RNF38: variants seen among roughly 807,000 people sequenced by gnomAD.
RNF38 encodes the protein E3 ubiquitin-protein ligase RNF38.
Under a neutral mutation model 67.2 loss-of-function variants are expected in RNF38, and 15 were observed. The ratio of observed to expected loss-of-function variants is 0.22; its 90% CI spans 0.15 to 0.34. The LOEUF is 0.34. Ranked by LOEUF, RNF38 falls within the 10% of genes least tolerant of loss-of-function variation. The pLI, the probability that RNF38 is intolerant of heterozygous loss-of-function variation, is 1.00. For missense variants in RNF38, 524 were observed against 639.9 expected (o/e 0.82, Z 1.95); for synonymous variants, 220 against 218.8 (o/e 1.01, Z -0.05).
chr9:36,441,561 G>A (rs1322638813), intron 1 of RNF38, among the ~76,000 whole-genome samples: 1 of 152,082 alleles, frequency 6.6e-6, no homozygotes, highest in Non-Finnish European at 1.5e-5. Context: ...CTGACCTCGT[G>A]ATCCACCCAG....
chr9:36,375,782 T>C (rs1835743126), intron 3 of RNF38, 152 bp downstream of exon 3: 5 of 656,724 alleles, frequency 7.6e-6, no homozygotes, highest in Non-Finnish European at 1.2e-5. Flanking sequence ...CTACTGGAAA[T>C]CTAGGCAACT....
chr9:36,468,760 C>T (rs966659691), intron 1 of RNF38, among the ~76,000 whole-genome samples: 1 of 148,168 alleles, frequency 6.7e-6, no homozygotes, highest in East Asian at 2.0e-4. Context: ...TGCAGTGAGC[C>T]GAGATCATGC....
chr9:36,447,894 A>G (rs1839345578), intron 1 of RNF38, among the ~76,000 whole-genome samples: 1 of 152,242 alleles, frequency 6.6e-6, no homozygotes, highest in Non-Finnish European at 1.5e-5. Context: ...TTTTGTTTTC[A>G]CTGTGTGCAT....
chr9:36,462,969 G>T (rs956566671), intron 1 of RNF38, among the ~76,000 whole-genome samples: 1 of 151,116 alleles, frequency 6.6e-6, no homozygotes, highest in Non-Finnish European at 1.5e-5. Context: ...ACTGTACCCC[G>T]CCCTGATTTA....
At chr9:36,475,367 G>T (rs1205114984) in intron 1 of RNF38, among the ~76,000 whole-genome samples, 2 of 151,416 alleles carry the variant, frequency 1.3e-5, no homozygotes, top group African/African-American at 2.4e-5. Flanking sequence ...TTATCTTTTT[G>T]TGTGTGTGTA....
At chr9:36,457,193 C>T (rs888734731) in intron 1 of RNF38, among the ~76,000 whole-genome samples, 1 of 152,216 alleles carries the variant, frequency 6.6e-6, no homozygotes, top group African/African-American at 2.4e-5. Flanking sequence ...AGCTTTATCA[C>T]AGGTACCTGC....
chr9:36,371,727 T>TAG (rs1835392347), intron 3 of RNF38, among the ~76,000 whole-genome samples: 1 of 152,006 alleles, frequency 6.6e-6, no homozygotes, highest in African/African-American at 2.4e-5. Context: ...ACTGGGATTA[T>TAG]AGGTGGGAGC....
At chr9:36,364,120 G>A (rs376406116) in intron 4 of RNF38, among the ~76,000 whole-genome samples, 1 of 150,756 alleles carries the variant, frequency 6.6e-6, no homozygotes, top group African/African-American at 2.4e-5. Flanking sequence ...ATGAGCCACC[G>A]TGCCCTGCCC....
At chr9:36,440,843 G>T (rs1276549839) in intron 1 of RNF38, among the ~76,000 whole-genome samples, 1 of 152,078 alleles carries the variant, frequency 6.6e-6, no homozygotes, top group Admixed American at 6.6e-5. Context: ...TTCACACAAG[G>T]CACTTACATA....
intron 2 of RNF38, among the ~76,000 whole-genome samples, chr9:36,376,465 T>C (rs542042095): frequency 1.3e-5 from 2 of 152,280 alleles, no homozygotes; most frequent in Non-Finnish European, 1.5e-5. Context: ...CCAAACCACC[T>C]GAAAAATTAC....
intron 3 of RNF38, among the ~76,000 whole-genome samples, chr9:36,373,658 CG>C (rs1315978261): frequency 6.7e-6 from 1 of 149,550 alleles, no homozygotes; most frequent in Non-Finnish European, 1.5e-5. Flanking sequence ...TGCAGTGGCG[CG>C]ATCTCAGGTT....
At chr9:36,403,026 C>G (rs1838093585), upstream of RNF38, among the ~76,000 whole-genome samples, 1 of 152,096 alleles carries the variant, frequency 6.6e-6, no homozygotes, top group Non-Finnish European at 1.5e-5. Context: ...TCTCTAACTC[C>G]TGGGCTCAAG....
At chr9:36,349,063 C>A (rs1169303446) in intron 9 of RNF38, among the ~76,000 whole-genome samples, 6 of 152,140 alleles carry the variant, frequency 3.9e-5, no homozygotes, top group African/African-American at 1.4e-4. Context: ...TCTACACTGC[C>A]CAATAATAAA....
At chr9:36,444,024 G>A (rs1023929030) in intron 1 of RNF38, among the ~76,000 whole-genome samples, 4 of 152,148 alleles carry the variant, frequency 2.6e-5, no homozygotes, top group Non-Finnish European at 5.9e-5. Flanking sequence ...ACACCGAAGT[G>A]AAGCCAGGTC....
At chr9:36,476,053 C>A (rs1464742997) in intron 1 of RNF38, among the ~76,000 whole-genome samples, 2 of 150,548 alleles carry the variant, frequency 1.3e-5, no homozygotes, top group Non-Finnish European at 3.0e-5. Context: ...ATAAATGAGG[C>A]AAATAACCTA....
Position 36,342,360 on chromosome 9 carries a change from C to G in RNF38, c.1450G>C (p.Glu484Gln). 6.2e-7 allele frequency: 1 copy of G among 1,613,748 alleles called. No individual in the cohort carries two copies. The highest frequency in any genetic ancestry group is 8.5e-7 in the Non-Finnish European group (1 of 1,179,716). ...TTGTCAACACACTTGGCATGGAACT[C>G]GTGGTTACAGGGTAAGACTCTAAGT... is the stretch of plus-strand genomic sequence containing the variant. ...QLLRVLPCNHEFHAKCVDKWL... is the reference protein window; with the variant it reads ...QLLRVLPCNHQFHAKCVDKWL... The change falls in exon 11 of 12, where the codon GAG becomes CAG. Residue 484 changes from glutamate to glutamine, a missense_variant. Glu to Gln is a conservative substitution (Grantham distance 29). Coordinates refer to ENST00000259605, the MANE Select transcript of RNF38 (RefSeq NM_022781.5).
rs561685618 is a variant in RNF38 at position 36,479,919 on chromosome 9, G to GC, written n.241+7388dup. 2.6e-5 allele frequency among the ~76,000 whole-genome samples: 4 copies of GC among 152,242 alleles called. No individual in the cohort carries two copies. The South Asian group carries it at 8.3e-4, about 32-fold the overall frequency. ...GTTCAAGACCACCATGGGCAACATA[G>GC]CAAGACCCTGTCTCTTTAAGTATGA... On this transcript the variant is annotated intron_variant and non_coding_transcript_variant, in intron 1 of 3. Coordinates refer to the RNF38 transcript ENST00000488058.
intron 9 of RNF38, among the ~76,000 whole-genome samples, chr9:36,345,796 C>CT (rs1200883724): frequency 6.6e-6 from 1 of 152,174 alleles, no homozygotes; most frequent in Non-Finnish European, 1.5e-5. Context: ...TCTCAAGACT[C>CT]TTTTTCACTC....
chr9:36,434,473 C>T (rs1375080719), intron 1 of RNF38, among the ~76,000 whole-genome samples: 1 of 152,170 alleles, frequency 6.6e-6, no homozygotes, highest in Non-Finnish European at 1.5e-5. Context: ...CAACCTCCGC[C>T]TCCCGGGTTC....
Sources: gnomAD v4.1 joint callset for allele counts (sites outside exome capture counted in the v4.1 genomes callset) on GRCh38, gnomAD v4.1.1 for gene constraint, MANE v1.5 for transcripts, NCBI Gene and HGNC (gene_info 2026-07-23, HGNC 2026-07-21) for gene names.